The following KCNMA1 variants were observed in gnomAD, a reference collection of about 807,000 sequenced individuals.
KCNMA1 encodes Calcium-activated potassium channel subunit alpha-1.
In KCNMA1, 29 loss-of-function variants were observed where a neutral mutation model predicts 140.0. The observed-to-expected ratio is 0.21, with a 90% CI of 0.15 to 0.28. KCNMA1 has a LOEUF of 0.28. Among genes scored for constraint, KCNMA1 ranks in the 10% least tolerant of loss-of-function variants. KCNMA1 has a pLI of 1.00. For synonymous variants in KCNMA1, 612 were observed against 611.9 expected (o/e 1.00, Z 0.00); for missense variants, 880 against 1,602.2 (o/e 0.55, Z 7.70).
chr10:77,102,000 T>C (rs1159570390), intron 9 of KCNMA1, among the ~76,000 whole-genome samples: 1 of 152,216 alleles, frequency 6.6e-6, no homozygotes, highest in Non-Finnish European at 1.5e-5. Context: ...GCCCTGATAT[T>C]GGACTTCCCA....
At chr10:76,902,067 G>C (rs1272318397) in intron 25 of KCNMA1, 2 of 152,200 alleles carry the variant, frequency 1.3e-5, no homozygotes, top group East Asian at 1.9e-4. Context: ...TGATGGGAGT[G>C]AGGGTTGGGG....
chr10:77,479,427 C>G (rs1050971263), intron 1 of KCNMA1, among the ~76,000 whole-genome samples: 1 of 152,178 alleles, frequency 6.6e-6, no homozygotes, highest in African/African-American at 2.4e-5. Flanking sequence ...TCCATCCTTA[C>G]CTTATCCAAA....
chr10:77,105,792 C>T (rs2097187873), intron 9 of KCNMA1, among the ~76,000 whole-genome samples: 1 of 152,182 alleles, frequency 6.6e-6, no homozygotes, highest in Non-Finnish European at 1.5e-5. Context: ...AATAGAACAA[C>T]TGTAGTTTCT....
intron 2 of KCNMA1, among the ~76,000 whole-genome samples, chr10:77,319,804 C>G (rs756042359): frequency 1.1e-4 from 16 of 152,236 alleles, no homozygotes; most frequent in Non-Finnish European, 1.9e-4. Flanking sequence ...TTCCATCAAT[C>G]TGGTTTGCTG....
chr10:77,439,219 A>G (rs1323020505), intron 1 of KCNMA1, among the ~76,000 whole-genome samples: 1 of 152,244 alleles, frequency 6.6e-6, no homozygotes, highest in Non-Finnish European at 1.5e-5. Context: ...GATTTCACAG[A>G]CAATACCTGT....
rs1234668808 is a variant in KCNMA1 at position 77,254,676 on chromosome 10, G to A, written c.541-3420C>T. Among the ~76,000 whole-genome samples, 13 of 152,096 alleles carry A rather than the reference G, an allele frequency of 8.5e-5. No homozygotes were observed. The East Asian group carries it at 2.5e-3, about 29-fold the overall frequency. ...AACTGGGTAAAGATAGAAAAAGTAG[G>A]GCCCTTATCTCAATATCCTCTCCTT... is the stretch of plus-strand genomic sequence containing the variant. On this transcript the variant is annotated intron_variant, in intron 2 of 27. Coordinates refer to ENST00000286628, the MANE Select transcript of KCNMA1 (RefSeq NM_001161352.2).
In KCNMA1 at chr10:77,494,355, G is replaced by A. The variant is rs542654338; in HGVS notation, c.379-90332C>T. On this transcript the variant is annotated intron_variant, in intron 1 of 27. Transcript: ENST00000286628. The stretch of plus-strand genomic sequence containing the variant: ...TCCTAAGAAGGACTGTGCAGGAGGA[G>A]GCTAGCCCAGCTGCCTGGCTAGCCT... 2.6e-5 allele frequency among the ~76,000 whole-genome samples: 4 copies of A among 152,346 alleles called. No individual in the cohort carries two copies. In the South Asian group the frequency reaches 6.2e-4, roughly 24 times the overall value.
chr10:77,559,619 G>A (rs1375151999), intron 1 of KCNMA1, among the ~76,000 whole-genome samples: 1 of 152,176 alleles, frequency 6.6e-6, no homozygotes, highest in African/African-American at 2.4e-5. Context: ...CCTGCTGAGA[G>A]GGACAATCCT....
At chr10:77,442,535 G>A (rs1327702008) in intron 1 of KCNMA1, among the ~76,000 whole-genome samples, 1 of 152,100 alleles carries the variant, frequency 6.6e-6, no homozygotes. Flanking sequence ...TGGGCAAGAG[G>A]TTTCATTGCT....
chr10:77,612,792 C>T (rs781205784), intron 1 of KCNMA1, among the ~76,000 whole-genome samples: 2 of 151,946 alleles, frequency 1.3e-5, no homozygotes, highest in Non-Finnish European at 2.9e-5. Context: ...TCTACTCTAC[C>T]TCCTCACCTC....
chr10:77,543,030 AT>A (rs1567439714), intron 1 of KCNMA1, among the ~76,000 whole-genome samples: 2 of 29,780 alleles, frequency 6.7e-5, no homozygotes, highest in African/African-American at 6.5e-4. Context: ...TCTCTCTCTC[AT>A]TCTCTCTCTC....
intron 2 of KCNMA1, among the ~76,000 whole-genome samples, chr10:77,361,748 T>C (rs1204171719): frequency 9.9e-5 from 15 of 152,214 alleles, no homozygotes; most frequent in Admixed American, 9.8e-4. Context: ...AGGGCCTTTC[T>C]GCGGCCTGGC....
chr10:77,205,420 A>C (rs749994183), intron 3 of KCNMA1, among the ~76,000 whole-genome samples: 1 of 152,316 alleles, frequency 6.6e-6, no homozygotes, highest in South Asian at 2.1e-4. Flanking sequence ...AACAATGGAA[A>C]AAGATGAATT....
intron 1 of KCNMA1, among the ~76,000 whole-genome samples, chr10:77,506,707 CGAGAGA>C (rs140333440): frequency 7.1e-5 from 3 of 42,130 alleles, no homozygotes; most frequent in Admixed American, 2.9e-4. Flanking sequence ...AGAGATGTTC[CGAGAGA>C]GAGAGAGAGA....
intron 2 of KCNMA1, among the ~76,000 whole-genome samples, chr10:77,351,064 C>A (rs2092815289): frequency 6.6e-6 from 1 of 152,146 alleles, no homozygotes; most frequent in Admixed American, 6.5e-5. Flanking sequence ...GTTTGAAAAC[C>A]ACCAGGACAA....
Position 77,621,856 on chromosome 10 carries a change from T to C in KCNMA1, c.378+15409A>G, listed in dbSNP as rs1050658933. Among the ~76,000 whole-genome samples the C allele has an allele frequency of 4.4e-4, 67 of 152,062 alleles. 1 individual carries two copies. Among genetic ancestry groups the C allele is most frequent in the African/African-American group, 1.2e-3 (49 of 41,408 alleles). The stretch of plus-strand genomic sequence containing the variant: ...CTACTCAGGAGGCTGAGGTGGGAGA[T>C]TGCTTGAGCCCAGGAGGTGGAGGTT... On this transcript the variant is annotated intron_variant, in intron 1 of 27. Coordinates refer to ENST00000286628, the MANE Select transcript of KCNMA1 (RefSeq NM_001161352.2).
In KCNMA1 at chr10:77,324,971, C is replaced by CTCTG. The variant is rs766240356; in HGVS notation, c.541-73716_541-73715insCAGA. On this transcript the variant is annotated intron_variant, in intron 2 of 27. Coordinates refer to ENST00000286628, the MANE Select transcript of KCNMA1 (RefSeq NM_001161352.2). ...TCTCTCTCTCTCTCTCTCTCTCTCT[C>CTCTG]TGTGTGTGTGTGTGTGTGTGTGTGT... Among the ~76,000 whole-genome samples the CTCTG allele has an allele frequency of 8.2e-3, 738 of 90,386 alleles. 7 individuals carry two copies. The highest frequency in any genetic ancestry group is 0.032 in the African/African-American group (684 of 21,616). 59.3% of individuals were successfully genotyped at this position (90,386 alleles called of 152,430 possible). A position where few individuals can be genotyped will look rare whatever the true frequency, so the allele number is the denominator to read the frequency against.
chr10:77,460,975 A>C (rs2097855890), intron 1 of KCNMA1, among the ~76,000 whole-genome samples: 1 of 152,112 alleles, frequency 6.6e-6, no homozygotes, highest in African/African-American at 2.4e-5. Flanking sequence ...GCGTGGTGGC[A>C]TGCCACTGTA....
chr10:76,893,556 G>T (rs989554474), intron 25 of KCNMA1, among the ~76,000 whole-genome samples: 4 of 151,928 alleles, frequency 2.6e-5, no homozygotes, highest in African/African-American at 9.7e-5. Context: ...GCTGGCCAAC[G>T]TGGTGAATCC....
Sources: gnomAD v4.1 joint callset for allele counts (sites outside exome capture counted in the v4.1 genomes callset) on GRCh38, gnomAD v4.1.1 for gene constraint, MANE v1.5 for transcripts, NCBI Gene and HGNC (gene_info 2026-07-23, HGNC 2026-07-21) for gene names.